PHACTR2: variants seen among roughly 807,000 people sequenced by gnomAD.
PHACTR2 encodes the protein chromosome 6 open reading frame 56.
A neutral mutation model predicts 76.0 loss-of-function variants in PHACTR2; 30 were observed. The ratio of observed to expected loss-of-function variants is 0.39; its 90% CI spans 0.30 to 0.54. PHACTR2 has a LOEUF of 0.54. Ranked by LOEUF, PHACTR2 falls within the 20% of genes least tolerant of loss-of-function variation. The pLI, the probability that PHACTR2 is intolerant of heterozygous loss-of-function variation, is 0.61. For missense variants in PHACTR2, 696 were observed against 781.1 expected (o/e 0.89, Z 1.30); for synonymous variants, 292 against 292.5 (o/e 1.00, Z 0.02).
At chr6:143,778,730 C>A (rs1582872091) in intron 9 of PHACTR2, among the ~76,000 whole-genome samples, 1 of 152,290 alleles carries the variant, frequency 6.6e-6, no homozygotes, top group African/African-American at 2.4e-5. Flanking sequence ...CAAATGCAGA[C>A]CCTACGCTCC....
At chr6:143,594,637 G>A (rs1378281951) in intron 1 of PHACTR2, among the ~76,000 whole-genome samples, 11 of 152,258 alleles carry the variant, frequency 7.2e-5, no homozygotes, top group African/African-American at 2.2e-4. Context: ...TGGAGGGGAA[G>A]TGAAGTAAGG....
At chr6:143,771,186 ATATG>A (rs1470249410) in intron 6 of PHACTR2, among the ~76,000 whole-genome samples, 28 of 34,022 alleles carry the variant, frequency 8.2e-4, no homozygotes, top group African/African-American at 4.7e-3. Flanking sequence ...ATATATATAT[ATATG>A]TGTGTATATA....
At chr6:143,771,192 G>GTATATATATATATATATATATATA (rs1562300820) in intron 6 of PHACTR2, among the ~76,000 whole-genome samples, 1 of 16,628 alleles carries the variant, frequency 6.0e-5, no homozygotes, top group African/African-American at 3.4e-4. Flanking sequence ...ATATATATGT[G>GTATATATATATATATATATATATA]TGTATATATA....
At chr6:143,576,875 CAAAAA>C (rs35937662) in intron 1 of PHACTR2, among the ~76,000 whole-genome samples, 31 of 102,538 alleles carry the variant, frequency 3.0e-4, no homozygotes, top group East Asian at 1.4e-3. Context: ...GACTCTGTCT[CAAAAA>C]AAAAAAAAAA....
Position 143,648,455 on chromosome 6 carries a change from G to C in PHACTR2, c.13+40133G>C, listed in dbSNP as rs183287397. Among the ~76,000 whole-genome samples the C allele has an allele frequency of 1.3e-3, 201 of 152,232 alleles. No individual in the cohort carries two copies. Among genetic ancestry groups the C allele is most frequent in the Non-Finnish European group, 2.3e-3 (155 of 68,014 alleles). ...GTCTCTGCACTGGGAGTCCCTGGGA[G>C]GGGGGGACGAGGAGGAACAGACCAA... On this transcript the variant is annotated intron_variant, in intron 1 of 11. Transcript: ENST00000305766. The surrounding 1 kb of genome is among the most constrained non-coding windows in gnomAD (Gnocchi z 6.7).
At chr6:143,555,126 A>G (rs1381823533) in intron 1 of PHACTR2, 2 of 151,738 alleles carry the variant, frequency 1.3e-5, no homozygotes, top group African/African-American at 2.4e-5. Flanking sequence ...TTCAATAAAA[A>G]CCATCCCAGC....
intron 1 of PHACTR2, among the ~76,000 whole-genome samples, chr6:143,573,680 CCT>C (rs746658835): frequency 2.5e-4 from 38 of 151,726 alleles, no homozygotes; most frequent in Non-Finnish European, 4.7e-4. Context: ...GTTATTTGTC[CCT>C]GTGTTGGCAC....
intron 1 of PHACTR2, among the ~76,000 whole-genome samples, chr6:143,694,726 T>A (rs184563467): frequency 3.0e-4 from 45 of 152,348 alleles, no homozygotes; most frequent in Non-Finnish European, 6.0e-4. Context: ...AACAAGAATG[T>A]TCTTGCCAGA....
At position 143,571,977 on chromosome 6, in the gene PHACTR2, G is replaced by C. The variant is rs1274071305; in HGVS notation, c.217+34770G>C. Among the ~76,000 whole-genome samples the C allele has an allele frequency of 1.3e-5, 2 of 152,060 alleles. No individual in the cohort carries two copies. The highest frequency in any genetic ancestry group is 4.8e-5 in the African/African-American group (2 of 41,402). ...AGAACTGATTTCTTATGAAACACTGGTCCCAAAAACATGTCAGATTATGAG... is the reference window on the plus strand; with the variant it reads ...AGAACTGATTTCTTATGAAACACTGCTCCCAAAAACATGTCAGATTATGAG... On this transcript the variant is annotated intron_variant, in intron 1 of 11. Transcript: ENST00000367584. The surrounding 1 kb of genome is among the most constrained non-coding windows in gnomAD (Gnocchi z 4.6).
Position 143,760,131 on chromosome 6 carries a change from A to G in PHACTR2, c.455-270A>G, listed in dbSNP as rs968903179. Among the ~76,000 whole-genome samples the G allele has an allele frequency of 3.9e-5, 6 of 152,212 alleles. No homozygotes were observed. Among genetic ancestry groups the G allele is most frequent in the East Asian group, 1.9e-4 (1 of 5,200 alleles). On this transcript the variant is annotated intron_variant, in intron 4 of 12. Transcript: ENST00000440869. The surrounding 1 kb of genome is among the most constrained non-coding windows in gnomAD (Gnocchi z 6.4). ...GGAACTGAGGCCCCTGACTGCAAAC[A>G]TTTACACACATCCTCAACCTAATTT...
intron 2 of PHACTR2, among the ~76,000 whole-genome samples, chr6:143,713,988 G>A (rs1778244827): frequency 6.6e-6 from 1 of 152,136 alleles, no homozygotes; most frequent in South Asian, 2.1e-4. Context: ...CATATCTAGA[G>A]GAAAACTGAT....
chr6:143,640,406 A>C (rs1295553898), intron 1 of PHACTR2, among the ~76,000 whole-genome samples: 1 of 152,230 alleles, frequency 6.6e-6, no homozygotes, highest in Non-Finnish European at 1.5e-5. Context: ...ATAGAATAGA[A>C]TAACGTTCTC....
rs763065208 is a variant in PHACTR2 at position 143,777,298 on chromosome 6, A to G, written c.1590-30A>G. 10 of 1,372,300 alleles carry G rather than the reference A, an allele frequency of 7.3e-6. No homozygotes were observed. The South Asian group carries it at 8.6e-5, about 12-fold the overall frequency. The allele number at this position is 1,372,300 out of a possible 1,614,324, so 85.0% of individuals were successfully genotyped here. On this transcript the variant is annotated intron_variant, in intron 8 of 12. Coordinates refer to ENST00000440869, the MANE Select transcript of PHACTR2 (RefSeq NM_001100164.2). This position sits in a 1 kb window ranked among gnomAD's most constrained non-coding sequence, Gnocchi z 4.6. ...CTCCTACTAGGGTACCTTGTTTTTA[A>G]CCTGTAATATATCCTTTTTGTCATC...
rs73577984 is a variant in PHACTR2, at chr6:143,703,923, G to A, written c.47-8093G>A. ...ACATTTAACCATTTCACATGTTCAA[G>A]GACATGACTATAAATTTGTTTTAAT... On this transcript the variant is annotated intron_variant, in intron 1 of 12. Transcript: ENST00000440869. Among the ~76,000 whole-genome samples, 1,046 of 152,192 alleles carry A rather than the reference G, an allele frequency of 6.9e-3. 15 individuals carry two copies. Among genetic ancestry groups the A allele is most frequent in the African/African-American group, 0.024 (985 of 41,516 alleles).
rs1414010146 is a variant in PHACTR2, at chr6:143,733,886, T to C, written c.215-15099T>C. On this transcript the variant is annotated intron_variant, in intron 2 of 12. Transcript: ENST00000440869. The surrounding 1 kb of genome is among the most constrained non-coding windows in gnomAD (Gnocchi z 4.0). ...CAAGAGATATTATATAATAATTTTA[T>C]TACGTATGCTTTTAAAAAATATCGT... Among the ~76,000 whole-genome samples the C allele has an allele frequency of 6.6e-6, 1 of 152,238 alleles. No homozygotes were observed. Among genetic ancestry groups the C allele is most frequent in the Non-Finnish European group, 1.5e-5 (1 of 68,044 alleles).
At chr6:143,740,260 T>C (rs1778909716) in intron 2 of PHACTR2, among the ~76,000 whole-genome samples, 1 of 152,140 alleles carries the variant, frequency 6.6e-6, no homozygotes, top group Non-Finnish European at 1.5e-5. Context: ...GTGGCCATCT[T>C]GGTTTTGGTG....
intron 1 of PHACTR2, among the ~76,000 whole-genome samples, chr6:143,629,504 G>T (rs1232144079): frequency 6.6e-6 from 1 of 152,128 alleles, no homozygotes; most frequent in Non-Finnish European, 1.5e-5. Flanking sequence ...CATCCTAATG[G>T]TACCTCTACA....
chr6:143,567,547 C>T (rs760962866), intron 1 of PHACTR2, among the ~76,000 whole-genome samples: 3 of 152,206 alleles, frequency 2.0e-5, no homozygotes, highest in Non-Finnish European at 2.9e-5. Flanking sequence ...TACAGGCACA[C>T]GCCGCCGCGC....
chr6:143,750,073 A>C lies in PHACTR2; in HGVS notation c.295+1008A>C, dbSNP rs190563540. On this transcript the variant is annotated intron_variant, in intron 3 of 12. Coordinates refer to ENST00000440869, the MANE Select transcript of PHACTR2 (RefSeq NM_001100164.2). This position sits in a 1 kb window ranked among gnomAD's most constrained non-coding sequence, Gnocchi z 4.6. ...TTCACTATTTGTAAATCAAAATGACATGCTTTTTTCCAGCATCTGAATAAT... is the reference window on the plus strand; with the variant it reads ...TTCACTATTTGTAAATCAAAATGACCTGCTTTTTTCCAGCATCTGAATAAT... Among the ~76,000 whole-genome samples the C allele has an allele frequency of 1.3e-5, 2 of 152,334 alleles. No individual in the cohort carries two copies. Among genetic ancestry groups the C allele is most frequent in the East Asian group, 1.9e-4 (1 of 5,184 alleles).
Sources: allele counts gnomAD v4.1 joint callset (sites outside exome capture counted in the v4.1 genomes callset), GRCh38; gene constraint gnomAD v4.1.1; non-coding constraint Gnocchi (gnomAD v3.1); transcripts MANE v1.5; gene names NCBI Gene and HGNC (gene_info 2026-07-23, HGNC 2026-07-21).